The following PRPSAP1 variants were observed in gnomAD, a reference collection of about 807,000 sequenced individuals.
PRPSAP1 encodes phosphoribosyl pyrophosphate synthase-associated protein 1.
Under a neutral mutation model 39.4 loss-of-function variants are expected in PRPSAP1, and 31 were observed. The ratio of observed to expected loss-of-function variants is 0.79; its 90% CI spans 0.59 to 1.06. The LOEUF is 1.06. Ranked by LOEUF, PRPSAP1 falls within the 50% of genes least tolerant of loss-of-function variation. The pLI, the probability that PRPSAP1 is intolerant of heterozygous loss-of-function variation, is 0.00. For synonymous variants in PRPSAP1, 212 were observed against 192.6 expected (o/e 1.10, Z -0.83); for missense variants, 430 against 511.6 (o/e 0.84, Z 1.54).
upstream of PRPSAP1, chr17:76,354,064 AC>A: frequency 1.9e-6 from 2 of 1,067,270 alleles, no homozygotes; most frequent in Non-Finnish European, 2.3e-6. Context: ...CCCTGCTTTG[AC>A]CGCTTCCACG....
At chr17:76,337,955 T>G (rs778315139) in intron 3 of PRPSAP1, among the ~76,000 whole-genome samples, 12 of 152,124 alleles carry the variant, frequency 7.9e-5, no homozygotes, top group Non-Finnish European at 1.8e-4. Flanking sequence ...ACACTAGAAC[T>G]TGTACATAAA....
chr17:76,331,651 G>C (rs950910424), intron 4 of PRPSAP1, among the ~76,000 whole-genome samples: 1 of 152,028 alleles, frequency 6.6e-6, no homozygotes, highest in African/African-American at 2.4e-5. Context: ...GCGGGAGATG[G>C]GTTCCTGGAA....
chr17:76,350,533 G>A (rs551278908), intron 1 of PRPSAP1, among the ~76,000 whole-genome samples: 4 of 152,196 alleles, frequency 2.6e-5, no homozygotes, highest in South Asian at 2.1e-4. Context: ...ACAGACAAAC[G>A]CTATGATTCT....
At chr17:76,314,449 T>G (rs1468217537) in intron 7 of PRPSAP1, 1 of 153,972 alleles carries the variant, frequency 6.5e-6, no homozygotes, top group Non-Finnish European at 1.4e-5. Flanking sequence ...ACTCCTGACC[T>G]CAGGTGATCC....
chr17:76,353,898 C>A lies in PRPSAP1; in HGVS notation c.-195G>T. On this transcript the variant is annotated 5_prime_UTR_variant, in exon 1 of 10. Coordinates refer to ENST00000446526, the MANE Select transcript of PRPSAP1 (RefSeq NM_002766.3). Reference sequence around the variant, plus strand: ...CGAGCCTTCGCAGCGCCCGGCGCCGCCGCCTCAGAGCCAGAGGCAAGGCCA... The same window carrying A: ...CGAGCCTTCGCAGCGCCCGGCGCCGACGCCTCAGAGCCAGAGGCAAGGCCA... The A allele has an allele frequency of 7.5e-7, 1 of 1,333,528 alleles. No homozygotes were observed. The highest frequency in any genetic ancestry group is 9.5e-7 in the Non-Finnish European group (1 of 1,048,030). The allele number at this position is 1,333,528 out of a possible 1,614,324, so 82.6% of individuals were successfully genotyped here.
chr17:76,350,603 A>G (rs1404358324), intron 1 of PRPSAP1, among the ~76,000 whole-genome samples: 1 of 152,194 alleles, frequency 6.6e-6, no homozygotes, highest in Non-Finnish European at 1.5e-5. Flanking sequence ...GGAGGCTACC[A>G]GGGAATGGGG....
chr17:76,319,698 C>T (rs897603082), intron 7 of PRPSAP1, among the ~76,000 whole-genome samples: 1 of 151,778 alleles, frequency 6.6e-6, no homozygotes, highest in South Asian at 2.1e-4. Flanking sequence ...CGTGATTCGC[C>T]CTCCTTGGCC....
At chr17:76,321,105 A>G (rs1034557781) in intron 7 of PRPSAP1, among the ~76,000 whole-genome samples, 2 of 151,924 alleles carry the variant, frequency 1.3e-5, no homozygotes, top group Admixed American at 1.3e-4. Context: ...TTCTAACAGC[A>G]TGTGCTCGTT....
rs535729532 is a variant in PRPSAP1 at position 76,312,741 on chromosome 17, C to T, written c.999+129G>A. 4.9e-5 allele frequency: 61 copies of T among 1,243,418 alleles called. No individual in the cohort carries two copies. The South Asian group carries it at 6.7e-4, about 14-fold the overall frequency. 77.0% of individuals were successfully genotyped at this position (1,243,418 alleles called of 1,614,324 possible). On this transcript the variant is annotated intron_variant, in intron 9 of 9. Transcript: ENST00000446526. ...ATTCCTAAACATGTATCTGTCCCAA[C>T]GAACTGCTAGCCAGCAAAAGCTAGA... is the stretch of plus-strand genomic sequence containing the variant.
At chr17:76,352,452 T>C (rs1463588143) in intron 1 of PRPSAP1, among the ~76,000 whole-genome samples, 1 of 151,982 alleles carries the variant, frequency 6.6e-6, no homozygotes. Flanking sequence ...GAAACCATCC[T>C]GGCTAACACG....
At chr17:76,330,885 A>G (rs954547255) in intron 4 of PRPSAP1, among the ~76,000 whole-genome samples, 1 of 152,220 alleles carries the variant, frequency 6.6e-6, no homozygotes, top group Non-Finnish European at 1.5e-5. Context: ...AAGCTAAGAA[A>G]GTGGGAATTA....
At chr17:76,312,666 TA>T in intron 9 of PRPSAP1, 2 of 502,452 alleles carry the variant, frequency 4.0e-6, no homozygotes, top group Non-Finnish European at 6.7e-6. Flanking sequence ...TGCATCATCA[TA>T]AAGTCAAAAA....
chr17:76,335,150 T>C (rs1407011766), intron 3 of PRPSAP1, among the ~76,000 whole-genome samples: 1 of 152,164 alleles, frequency 6.6e-6, no homozygotes, highest in African/African-American at 2.4e-5. Context: ...GGTCTCACTA[T>C]GTTGCCATGG....
At position 76,313,817 on chromosome 17, in the gene PRPSAP1, A is replaced by G; in HGVS notation, c.852+4T>C. ...CTCTGCACATGGATGACATATAACC[A>G]TACCACGATGATTGCGATGCGGCCT... On this transcript the variant is annotated splice_donor_region_variant and intron_variant, in intron 8 of 9. Transcript: ENST00000446526. 6.2e-7 allele frequency: 1 copy of G among 1,614,162 alleles called. No individual in the cohort carries two copies. The highest frequency in any genetic ancestry group is 1.7e-5 in the Admixed American group (1 of 60,012).
Position 76,332,437 on chromosome 17 carries a change from T to C in PRPSAP1, c.291-2A>G. ...TCCATCACAGCTGTATTCACATCTCTGAAACAGTCAAAGTTTGTATTTGGG... is the reference window on the plus strand; with the variant it reads ...TCCATCACAGCTGTATTCACATCTCCGAAACAGTCAAAGTTTGTATTTGGG... On this transcript the variant is annotated splice_acceptor_variant, in intron 3 of 9. Coordinates refer to ENST00000446526, the MANE Select transcript of PRPSAP1 (RefSeq NM_002766.3). LOFTEE classifies it high-confidence loss of function. 1 of 1,613,804 alleles carries C rather than the reference T, an allele frequency of 6.2e-7. No homozygotes were observed. Among genetic ancestry groups the C allele is most frequent in the African/African-American group, 1.3e-5 (1 of 75,062 alleles).
rs780371349 is a variant in PRPSAP1, at chr17:76,332,280, G to A, written c.446C>T (p.Ser149Phe). The change falls in exon 4 of 10, where the codon TCC becomes TTC. Residue 149 changes from serine to phenylalanine, a missense_variant. This residue lies in a region of PRPSAP1 where 278 missense variants were observed against 376.3 expected (regional missense o/e 0.74). Transcript: ENST00000446526. ...RGSIVCKLLA[S>F]MLAKAGLTHI... Reference sequence around the variant, plus strand: ...ACACTCACCTGCTTTCGCCAGCATGGATGCTAGCAGCTTGCACACAATGGA... The same window carrying A: ...ACACTCACCTGCTTTCGCCAGCATGAATGCTAGCAGCTTGCACACAATGGA... The A allele has an allele frequency of 1.2e-6, 2 of 1,614,098 alleles. No individual in the cohort carries two copies. The highest frequency in any genetic ancestry group is 2.2e-5 in the East Asian group (1 of 44,882).
At chr17:76,333,201 C>T (rs568165878) in intron 3 of PRPSAP1, among the ~76,000 whole-genome samples, 1 of 152,164 alleles carries the variant, frequency 6.6e-6, no homozygotes, top group African/African-American at 2.4e-5. Flanking sequence ...ACCTCCGCCT[C>T]CCAGGTTCAG....
chr17:76,336,732 C>CAAAAAAAAAAAAAAA (rs57399038), intron 3 of PRPSAP1, among the ~76,000 whole-genome samples: 1 of 63,344 alleles, frequency 1.6e-5, no homozygotes, highest in African/African-American at 6.3e-5. Flanking sequence ...AACTCCATCT[C>CAAAAAAAAAAAAAAA]AAAAAAAAAA....
chr17:76,347,837 G>T lies in PRPSAP1; in HGVS notation c.223+692C>A, dbSNP rs2143549102. Among the ~76,000 whole-genome samples the T allele has an allele frequency of 1.3e-5, 2 of 152,174 alleles. 1 individual carries two copies. The highest frequency in any genetic ancestry group is 4.1e-4 in the South Asian group (2 of 4,826). Reference sequence around the variant, plus strand: ...GGAGCAGCAGAGGTTGTGAGAAAGGGTCAGATATAAGATGTATTCCAAAGT... The same window carrying T: ...GGAGCAGCAGAGGTTGTGAGAAAGGTTCAGATATAAGATGTATTCCAAAGT... On this transcript the variant is annotated intron_variant, in intron 2 of 9. Transcript: ENST00000446526.
Sources: allele counts gnomAD v4.1 joint callset (sites outside exome capture counted in the v4.1 genomes callset), GRCh38; gene constraint gnomAD v4.1.1; regional missense constraint gnomAD v4.1.1; transcripts MANE v1.5; gene names NCBI Gene and HGNC (gene_info 2026-07-23, HGNC 2026-07-21).